The following ATP6V1C2 variants were observed in gnomAD, a reference collection of about 807,000 sequenced individuals.
The protein encoded by ATP6V1C2 is ATPase H+ transporting V1 subunit C2.
Under a neutral mutation model 56.8 loss-of-function variants are expected in ATP6V1C2, and 45 were observed. The ratio of observed to expected loss-of-function variants is 0.79; its 90% CI spans 0.62 to 1.02. The LOEUF (loss-of-function observed/expected upper bound fraction) is 1.02. ATP6V1C2 is among the 50% of genes least tolerant of loss of function. ATP6V1C2 has a pLI of 0.00. For missense variants in ATP6V1C2, 463 were observed against 519.7 expected, an observed-to-expected ratio of 0.89 and a Z score of 1.06; for synonymous variants, 220 against 201.3, an observed-to-expected ratio of 1.09 and a Z score of -0.79.
intron 3 of ATP6V1C2, among the ~76,000 whole-genome samples, chr2:10,745,358 G>GTT (rs201847116): frequency 5.0e-4 from 67 of 132,914 alleles, no homozygotes; most frequent in Middle Eastern, 9.0e-3. Context: ...CTTTTTAACC[G>GTT]TTTTTTTTTT....
rs190520157 is a variant in ATP6V1C2, at chr2:10,748,766, G to A, written c.198-5215G>A. 2.8e-4 allele frequency among the ~76,000 whole-genome samples: 43 copies of A among 152,160 alleles called. 1 individual carries two copies. The East Asian group carries it at 7.5e-3, about 27-fold the overall frequency. On this transcript the variant is annotated intron_variant, in intron 3 of 13. Transcript: ENST00000272238. ...AGTTTACTGTGTAGGGTGACCTTTA[G>A]CTCTCTGAGTCTTAATTTTTTTCAT...
intron 4 of ATP6V1C2, among the ~76,000 whole-genome samples, chr2:10,762,144 A>AT (rs1296850562): frequency 7.1e-6 from 1 of 140,264 alleles, no homozygotes; most frequent in East Asian, 2.1e-4. Flanking sequence ...TTGAAGCATA[A>AT]ATTTTTTTTT....
At chr2:10,744,063 T>C (rs1351613539) in intron 3 of ATP6V1C2, 1 of 151,892 alleles carries the variant, frequency 6.6e-6, no homozygotes, top group Non-Finnish European at 1.5e-5. Flanking sequence ...GTGCCTGCAG[T>C]CCCAGCTACC....
chr2:10,749,930 A>G (rs866483712), intron 3 of ATP6V1C2, among the ~76,000 whole-genome samples: 22 of 152,356 alleles, frequency 1.4e-4, no homozygotes, highest in Middle Eastern at 6.8e-3. Flanking sequence ...AATGAAAGGA[A>G]TGAGGAACCA....
intron 6 of ATP6V1C2, among the ~76,000 whole-genome samples, chr2:10,769,259 G>A (rs1664434152): frequency 6.6e-6 from 1 of 152,254 alleles, no homozygotes; most frequent in Admixed American, 6.5e-5. Flanking sequence ...CCACCCACCT[G>A]AAGAACCACT....
chr2:10,763,391 C>T lies in ATP6V1C2; in HGVS notation c.284-940C>T, dbSNP rs1339276941. 6.6e-6 allele frequency among the ~76,000 whole-genome samples: 1 copy of T among 152,198 alleles called. No individual in the cohort carries two copies. Among genetic ancestry groups the T allele is most frequent in the African/African-American group, 2.4e-5 (1 of 41,462 alleles). ...AGCACTCTAGGCGGTTATCACTGGG[C>T]CCCCAGCTCTCTGCGGTGTGTCTGC... is the stretch of plus-strand genomic sequence containing the variant. On this transcript the variant is annotated intron_variant, in intron 4 of 13. Transcript: ENST00000272238. The surrounding 1 kb of genome is among the most constrained non-coding windows in gnomAD (Gnocchi z 4.2).
chr2:10,741,832 C>A (rs1172286951), intron 3 of ATP6V1C2, among the ~76,000 whole-genome samples: 1 of 152,136 alleles, frequency 6.6e-6, no homozygotes, highest in African/African-American at 2.4e-5. Context: ...TCCGATCCTG[C>A]CGTGTAACCT....
chr2:10,743,373 G>A (rs1318287644), intron 3 of ATP6V1C2, among the ~76,000 whole-genome samples: 1 of 150,086 alleles, frequency 6.7e-6, no homozygotes, highest in East Asian at 2.0e-4. Context: ...CCAAAGTGCT[G>A]GGATTACAGG....
rs1054867003 is a variant in ATP6V1C2, at chr2:10,779,004, C to T, written c.1061+335C>T. Among the ~76,000 whole-genome samples the T allele has an allele frequency of 9.2e-5, 14 of 152,176 alleles. No homozygotes were observed. In the East Asian group the frequency reaches 1.5e-3, roughly 17 times the overall value. ...CAGGGCCCGAGTGGCTCCTGGAAGGCGCTCTCGGGCTGCCTCCGTCCTCAG... is the reference window on the plus strand; with the variant it reads ...CAGGGCCCGAGTGGCTCCTGGAAGGTGCTCTCGGGCTGCCTCCGTCCTCAG... On this transcript the variant is annotated intron_variant, in intron 12 of 13. Transcript: ENST00000272238.
chr2:10,772,553 C>CAA lies in ATP6V1C2; in HGVS notation c.582_583insAA (p.Gln195AsnfsTer33), dbSNP rs1664691055. 6.2e-7 allele frequency: 1 copy of CAA among 1,613,986 alleles called. No homozygotes were observed. Among genetic ancestry groups the CAA allele is most frequent in the African/African-American group, 1.3e-5 (1 of 75,052 alleles). ...CTATGTTCTTGCAGACCAAACTACT[C>CAA]ACAATGGCAAAAAACCTACGAATCT... On this transcript the variant is annotated frameshift_variant, in exon 8 of 14. Coordinates refer to ENST00000272238, the MANE Select transcript of ATP6V1C2 (RefSeq NM_001039362.2). LOFTEE classifies it high-confidence loss of function.
chr2:10,749,343 T>G (rs1663089441), intron 3 of ATP6V1C2, among the ~76,000 whole-genome samples: 1 of 152,036 alleles, frequency 6.6e-6, no homozygotes, highest in Non-Finnish European at 1.5e-5. Context: ...AAAAAAAAGT[T>G]TTTTTTAAAT....
intron 4 of ATP6V1C2, among the ~76,000 whole-genome samples, chr2:10,755,878 A>AAAGG (rs1663526329): frequency 6.6e-6 from 1 of 152,226 alleles, no homozygotes; most frequent in South Asian, 2.1e-4. Context: ...GTTCGTGCTG[A>AAAGG]TGGGACGAAC....
At chr2:10,722,725 G>T (rs185583974) in intron 1 of ATP6V1C2, 99 bp from the exon 2 acceptor site, 49 of 1,307,022 alleles carry the variant, frequency 3.7e-5, no homozygotes, top group Non-Finnish European at 5.1e-5. Context: ...GCTCATCCTA[G>T]AAAGGATGAA....
chr2:10,755,908 T>C (rs191194819), intron 4 of ATP6V1C2, among the ~76,000 whole-genome samples: 2 of 152,358 alleles, frequency 1.3e-5, no homozygotes, highest in African/African-American at 2.4e-5. Context: ...CCAGTGATGT[T>C]TTGGCCCATT....
intron 4 of ATP6V1C2, among the ~76,000 whole-genome samples, chr2:10,754,567 CTTTTCTTTTCT>C (rs1558405048): frequency 1.2e-4 from 13 of 105,490 alleles, no homozygotes; most frequent in African/African-American, 3.8e-4. Context: ...CTTTTCTTTT[CTTTTCTTTTCT>C]TTTCTTTTTT....
At chr2:10,727,165 G>A (rs1661692235) in intron 3 of ATP6V1C2, among the ~76,000 whole-genome samples, 1 of 150,306 alleles carries the variant, frequency 6.7e-6, no homozygotes, top group Non-Finnish European at 1.5e-5. Flanking sequence ...CGCCTCCCAG[G>A]TTCAAGTGAT....
chr2:10,731,395 C>T (rs1572506402), intron 3 of ATP6V1C2, among the ~76,000 whole-genome samples: 2 of 152,238 alleles, frequency 1.3e-5, no homozygotes, highest in East Asian at 3.9e-4. Context: ...AGTTAATATC[C>T]AAGAAAAAGT....
chr2:10,740,053 A>G (rs968426961), intron 3 of ATP6V1C2, among the ~76,000 whole-genome samples: 1 of 147,676 alleles, frequency 6.8e-6, no homozygotes, highest in African/African-American at 2.5e-5. Flanking sequence ...ACGCCTCTGC[A>G]CTCCAGCCTG....
chr2:10,727,829 G>C (rs1189968302), intron 3 of ATP6V1C2, among the ~76,000 whole-genome samples: 1 of 151,788 alleles, frequency 6.6e-6, no homozygotes, highest in Admixed American at 6.6e-5. Flanking sequence ...AGCGGGGGAG[G>C]GGGGATGGGG....
Sources: gnomAD v4.1 joint callset for allele counts (sites outside exome capture counted in the v4.1 genomes callset) on GRCh38, gnomAD v4.1.1 for gene constraint, Gnocchi (gnomAD v3.1) non-coding constraint, MANE v1.5 for transcripts, NCBI Gene and HGNC (gene_info 2026-07-23, HGNC 2026-07-21) for gene names.